Variants in ATP10B observed in about 807,000 individuals in gnomAD.
The protein encoded by ATP10B is phospholipid-transporting ATPase VB.
A neutral mutation model predicts 141.2 loss-of-function variants in ATP10B; 122 were observed. The observed-to-expected ratio is 0.86, with a 90% CI of 0.75 to 1.00. The LOEUF is 1.00. Ranked by LOEUF, ATP10B falls within the 50% of genes least tolerant of loss-of-function variation. ATP10B has a pLI of 0.00. For synonymous variants in ATP10B, 685 were observed against 692.0 expected, an observed-to-expected ratio of 0.99 and a Z score of 0.16; for missense variants, 1,876 against 1,825.3, an observed-to-expected ratio of 1.03 and a Z score of -0.51.
rs1328559210 is a variant in ATP10B at position 160,743,423 on chromosome 5, A to G, written c.-330-26389T>C. ...CTGTCTGGGTGAGCTACACTGTCTC[A>G]GCCAAGACACTGGACATTTATCTTT... On this transcript the variant is annotated intron_variant, in intron 2 of 25. Transcript: ENST00000327245. 2.0e-5 allele frequency among the ~76,000 whole-genome samples: 3 copies of G among 152,216 alleles called. No individual in the cohort carries two copies. The East Asian group carries it at 5.8e-4, about 29-fold the overall frequency.
chr5:160,601,237 C>G (rs1486610009), intron 21 of ATP10B, among the ~76,000 whole-genome samples: 7 of 152,138 alleles, frequency 4.6e-5, no homozygotes, highest in African/African-American at 1.7e-4. Context: ...TTGAACTTTG[C>G]ACAGAAAGTC....
chr5:160,915,286 G>A, the ATP10B span, among the ~76,000 whole-genome samples: 1 of 151,326 alleles, frequency 6.6e-6, no homozygotes, highest in Admixed American at 6.6e-5. Context: ...AATACAGGAT[G>A]AGGTATTCTC....
chr5:160,918,342 G>A, the ATP10B span, among the ~76,000 whole-genome samples: 1 of 152,252 alleles, frequency 6.6e-6, no homozygotes, highest in Non-Finnish European at 1.5e-5. Context: ...CAGGGGGCTT[G>A]ATTGAGTCTA....
the ATP10B span, among the ~76,000 whole-genome samples, chr5:160,909,170 C>G: frequency 6.6e-6 from 1 of 152,138 alleles, no homozygotes; most frequent in Non-Finnish European, 1.5e-5. Flanking sequence ...CACTGAGGCC[C>G]AGATGGCACT....
the ATP10B span, among the ~76,000 whole-genome samples, chr5:160,857,922 A>G: frequency 2.0e-5 from 3 of 151,866 alleles, no homozygotes; most frequent in Admixed American, 2.0e-4. Context: ...GTGGCTCAGA[A>G]TATATTATTT....
chr5:160,807,044 G>T (rs1196879544), intron 1 of ATP10B, among the ~76,000 whole-genome samples: 1 of 152,126 alleles, frequency 6.6e-6, no homozygotes, highest in East Asian at 1.9e-4. Flanking sequence ...AGTAAAGAGA[G>T]AATCTAGCAA....
chr5:160,739,125 T>C (rs1425908227), intron 2 of ATP10B, among the ~76,000 whole-genome samples: 1 of 152,222 alleles, frequency 6.6e-6, no homozygotes, highest in Non-Finnish European at 1.5e-5. Flanking sequence ...AAAAATATTC[T>C]ATGAAATCCA....
chr5:160,666,538 C>T (rs1438681724), intron 7 of ATP10B, among the ~76,000 whole-genome samples: 1 of 152,168 alleles, frequency 6.6e-6, no homozygotes, highest in Admixed American at 6.5e-5. Flanking sequence ...AGAAATTCTG[C>T]AGAACACATA....
At chr5:160,585,387 G>C (rs369456505) in intron 24 of ATP10B, among the ~76,000 whole-genome samples, 1 of 152,158 alleles carries the variant, frequency 6.6e-6, no homozygotes, top group Non-Finnish European at 1.5e-5. Flanking sequence ...GGCGGATCAC[G>C]AGGTCAGGAG....
intron 24 of ATP10B, among the ~76,000 whole-genome samples, chr5:160,586,638 T>A (rs1282582750): frequency 6.6e-6 from 1 of 152,230 alleles, no homozygotes; most frequent in East Asian, 1.9e-4. Context: ...CGCCATCTAC[T>A]GTTTCTTCAC....
intron 3 of ATP10B, among the ~76,000 whole-genome samples, chr5:160,704,653 C>T (rs1764870000): frequency 6.6e-6 from 1 of 152,138 alleles, no homozygotes; most frequent in African/African-American, 2.4e-5. Flanking sequence ...GAGTTCTCTC[C>T]AGCTATGAAA....
intron 6 of ATP10B, among the ~76,000 whole-genome samples, chr5:160,681,649 C>T (rs1763407786): frequency 6.6e-6 from 1 of 152,150 alleles, no homozygotes; most frequent in South Asian, 2.1e-4. Context: ...AAAAAAGAAA[C>T]TTATTATTCT....
At chr5:160,871,043 C>G in the ATP10B span, among the ~76,000 whole-genome samples, 2 of 85,634 alleles carry the variant, frequency 2.3e-5, no homozygotes, top group African/African-American at 7.4e-5. Context: ...GAATTCATTG[C>G]CAGTAGACCT....
the ATP10B span, among the ~76,000 whole-genome samples, chr5:160,862,608 A>G: frequency 6.6e-6 from 1 of 151,996 alleles, no homozygotes; most frequent in Admixed American, 6.6e-5. Flanking sequence ...TAATTGGCTT[A>G]ACATAATAAT....
chr5:160,685,363 C>A, intron 6 of ATP10B: 1 of 561,158 alleles, frequency 1.8e-6, no homozygotes, highest in East Asian at 3.0e-5. Flanking sequence ...AGAAACATGA[C>A]AAGGAAAGAG....
chr5:160,692,815 C>T (rs1764146748), intron 3 of ATP10B: 2 of 152,226 alleles, frequency 1.3e-5, no homozygotes, highest in Non-Finnish European at 2.9e-5. Context: ...CCCCAAACTC[C>T]TCACGGAGGT....
chr5:160,865,260 A>G, the ATP10B span, among the ~76,000 whole-genome samples: 1 of 152,190 alleles, frequency 6.6e-6, no homozygotes, highest in Non-Finnish European at 1.5e-5. Flanking sequence ...AGAACCCAGA[A>G]ATAAACCCAA....
At chr5:160,825,193 G>C (rs1386432833) in intron 1 of ATP10B, among the ~76,000 whole-genome samples, 1 of 152,074 alleles carries the variant, frequency 6.6e-6, no homozygotes, top group Non-Finnish European at 1.5e-5. Context: ...CACATGTCTC[G>C]CATGTAATAG....
chr5:160,657,086 G>A (rs544252896), intron 7 of ATP10B, among the ~76,000 whole-genome samples: 1 of 152,288 alleles, frequency 6.6e-6, no homozygotes, highest in East Asian at 1.9e-4. Flanking sequence ...CTGTGCCAAG[G>A]AATAGGGGTT....
Sources: gnomAD v4.1 joint callset for allele counts (sites outside exome capture counted in the v4.1 genomes callset) on GRCh38, gnomAD v4.1.1 for gene constraint, MANE v1.5 for transcripts, NCBI Gene and HGNC (gene_info 2026-07-23, HGNC 2026-07-21) for gene names.